Variants in LRRC43 observed in about 807,000 individuals in gnomAD.
LRRC43 encodes the protein leucine-rich repeat-containing protein 43.
In LRRC43, 62 loss-of-function variants were observed where a neutral mutation model predicts 64.3. That is an observed-to-expected ratio of 0.96 (90% CI 0.79 to 1.19). LRRC43 has a LOEUF of 1.19. LRRC43 is among the 50% of genes most tolerant of loss of function. The probability of loss-of-function intolerance (pLI) is 0.00; values close to 1 mark genes in which losing one functional copy is unlikely to be tolerated. For missense variants in LRRC43, 868 were observed against 845.0 expected (o/e 1.03, Z -0.34); for synonymous variants, 422 against 382.3 (o/e 1.10, Z -1.21).
Position 122,184,853 on chromosome 12 carries a change from T to TC in LRRC43, c.411+78dup, listed in dbSNP as rs71453589. 1 of 1,489,050 alleles carries TC rather than the reference T, an allele frequency of 6.7e-7. No individual in the cohort carries two copies. The highest frequency in any genetic ancestry group is 9.1e-7 in the Non-Finnish European group (1 of 1,096,412). The allele number at this position is 1,489,050 out of a possible 1,614,324, so 92.2% of individuals were successfully genotyped here. On this transcript the variant is annotated intron_variant, in intron 2 of 11. Coordinates refer to ENST00000339777, the MANE Select transcript of LRRC43 (RefSeq NM_001098519.2). The surrounding 1 kb of genome is among the most constrained non-coding windows in gnomAD (Gnocchi z 4.0). The stretch of plus-strand genomic sequence containing the variant: ...AGGGAGGTTGTGGGGAGGGCACCCT[T>TC]CCCCACAGCGCGTCAGGGATCCTGC...
intron 11 of LRRC43, among the ~76,000 whole-genome samples, chr12:122,201,629 C>T (rs1953839800): frequency 6.6e-6 from 1 of 152,210 alleles, no homozygotes; most frequent in African/African-American, 2.4e-5. Context: ...CCTCCAGCTT[C>T]AGGCCATCGG....
At position 122,184,886 on chromosome 12, in the gene LRRC43, G is replaced by A; in HGVS notation, c.411+107G>A. The A allele has an allele frequency of 1.5e-6, 2 of 1,311,146 alleles. No homozygotes were observed. Among genetic ancestry groups the A allele is most frequent in the Non-Finnish European group, 2.1e-6 (2 of 955,704 alleles). 81.2% of individuals were successfully genotyped at this position (1,311,146 alleles called of 1,614,324 possible). A position where few individuals can be genotyped will look rare whatever the true frequency, so the allele number is the denominator to read the frequency against. On this transcript the variant is annotated intron_variant, in intron 2 of 11. Transcript: ENST00000339777. This position sits in a 1 kb window ranked among gnomAD's most constrained non-coding sequence, Gnocchi z 4.0. ...GCGCGTCAGGGATCCTGCTTTCAGG[G>A]CTGAAACGAAGGCCAGCCTGCCCTC... is the stretch of plus-strand genomic sequence containing the variant.
intron 1 of LRRC43, chr12:122,172,448 T>G (rs560989403): frequency 6.2e-7 from 1 of 1,614,002 alleles, no homozygotes; most frequent in Non-Finnish European, 8.5e-7. Context: ...AGGTCAATGA[T>G]TTTAGTGCGA....
Position 122,174,844 on chromosome 12 carries a change from CT to C in LRRC43, c.-406+7076del, listed in dbSNP as rs765071459. On this transcript the variant is annotated intron_variant, in intron 1 of 5. Transcript: ENST00000537729. ...TGAAATCCTTGTTCATATCTTTTTT[CT>C]TTTTTTTTTTTTTGAGATGGAGTCT... Among the ~76,000 whole-genome samples the C allele has an allele frequency of 1.5e-3, 211 of 142,168 alleles. 1 individual carries two copies. The highest frequency in any genetic ancestry group is 1.2e-3 in the African/African-American group (46 of 38,932). The allele number at this position is 142,168 out of a possible 152,430, so 93.3% of individuals were successfully genotyped here.
intron 7 of LRRC43, among the ~76,000 whole-genome samples, chr12:122,193,313 G>A (rs550389012): frequency 0.015 from 2,300 of 149,642 alleles, 59 homozygotes; most frequent in African/African-American, 0.054. Flanking sequence ...CCCAGGAGGC[G>A]GGGCTTGCAG....
At chr12:122,175,459 T>C (rs1298342730) in intron 1 of LRRC43, among the ~76,000 whole-genome samples, 1 of 151,850 alleles carries the variant, frequency 6.6e-6, no homozygotes. Context: ...GAGCCACCAC[T>C]CTGGCCTTAG....
chr12:122,170,791 C>A (rs997264864), intron 1 of LRRC43, among the ~76,000 whole-genome samples: 1 of 151,984 alleles, frequency 6.6e-6, no homozygotes, highest in Non-Finnish European at 1.5e-5. Flanking sequence ...CAGTTTCCCC[C>A]GAGATAAGAT....
At position 122,184,913 on chromosome 12, in the gene LRRC43, A is replaced by G; in HGVS notation, c.411+134A>G. On this transcript the variant is annotated intron_variant, in intron 2 of 11. Coordinates refer to ENST00000339777, the MANE Select transcript of LRRC43 (RefSeq NM_001098519.2). The surrounding 1 kb of genome is among the most constrained non-coding windows in gnomAD (Gnocchi z 4.0). The stretch of plus-strand genomic sequence containing the variant: ...TGAAACGAAGGCCAGCCTGCCCTCC[A>G]TCTGCTTCATCTCCCTGGCTTGTGT... 2 of 933,386 alleles carry G rather than the reference A, an allele frequency of 2.1e-6. No homozygotes were observed. Among genetic ancestry groups the G allele is most frequent in the South Asian group, 3.3e-5 (2 of 60,966 alleles). The allele number at this position is 933,386 out of a possible 1,614,324, so 57.8% of individuals were successfully genotyped here.
At position 122,175,895 on chromosome 12, in the gene LRRC43, G is replaced by C. The variant is rs60145913; in HGVS notation, c.-406+8113G>C. ...TTGGCCAGGCTGGCCTCTATCTCCT[G>C]ACCTCAGGTGATCTGCCCGCCTCAG... On this transcript the variant is annotated intron_variant, in intron 1 of 5. Coordinates refer to the LRRC43 transcript ENST00000537729. Among the ~76,000 whole-genome samples, 1,372 of 152,226 alleles carry C rather than the reference G, an allele frequency of 9.0e-3. 21 individuals are homozygous for C. Among genetic ancestry groups the C allele is most frequent in the African/African-American group, 0.031 (1,307 of 41,536 alleles).
intron 4 of LRRC43, 178 bp downstream of exon 4, chr12:122,188,018 A>G: frequency 1.6e-6 from 1 of 625,838 alleles, no homozygotes; most frequent in Non-Finnish European, 2.7e-6. Flanking sequence ...TTTGTAAACA[A>G]AAAGCCCGGG....
At position 122,187,063 on chromosome 12, in the gene LRRC43, C is replaced by A. The variant is rs534443290; in HGVS notation, c.523-638C>A. On this transcript the variant is annotated intron_variant, in intron 3 of 11. Coordinates refer to ENST00000339777, the MANE Select transcript of LRRC43 (RefSeq NM_001098519.2). Reference sequence around the variant, plus strand: ...AGCCTGGGCAACATAGGAATATCCCCTCTACAAAAATACAAAAATTAGCCA... The same window carrying A: ...AGCCTGGGCAACATAGGAATATCCCATCTACAAAAATACAAAAATTAGCCA... Among the ~76,000 whole-genome samples, 7 of 151,674 alleles carry A rather than the reference C, an allele frequency of 4.6e-5. No homozygotes were observed. In the East Asian group the frequency reaches 1.4e-3, roughly 29 times the overall value.
chr12:122,183,827 T>C (rs1334552248), intron 1 of LRRC43, among the ~76,000 whole-genome samples: 2 of 152,058 alleles, frequency 1.3e-5, no homozygotes, highest in East Asian at 3.9e-4. Flanking sequence ...GGCTGGAGCA[T>C]AGTGACGCGA....
intron 7 of LRRC43, among the ~76,000 whole-genome samples, chr12:122,197,457 G>C (rs939404670): frequency 3.9e-5 from 6 of 152,046 alleles, no homozygotes; most frequent in Admixed American, 1.3e-4. Flanking sequence ...GAGCCACCGC[G>C]CCTGGCCCCC....
At position 122,200,778 on chromosome 12, in the gene LRRC43, G is replaced by A. The variant is rs372072711; in HGVS notation, c.1653G>A (p.Pro551=). 263 of 1,612,644 alleles carry A rather than the reference G, an allele frequency of 1.6e-4. 1 individual carries two copies. The African/African-American group carries it at 1.7e-3, about 10-fold the overall frequency. ...AGGTGCTGAAGAAGAAGAAAGAGCC[G>A]CCCAAGGAGCTCCGGCAGGACCCCC... ...EWKVLKKKKE[P]PKELRQDPPI... The change falls in exon 10 of 12, where the codon CCG becomes CCA. Residue 551 remains proline, a synonymous_variant. Coordinates refer to ENST00000339777, the MANE Select transcript of LRRC43 (RefSeq NM_001098519.2). The surrounding 1 kb of genome is among the most constrained non-coding windows in gnomAD (Gnocchi z 4.6).
At position 122,184,702 on chromosome 12, in the gene LRRC43, G is replaced by A. The variant is rs1953621849; in HGVS notation, c.334G>A (p.Ala112Thr). ...AGAAGACAGTTTCCTGAGAGAATTG[G>A]CCATCCGGAACCCGCTGACGATCAC... Reference protein sequence around the residue: ...NAEDSFLRELAIRNPLTITDT... With the variant: ...NAEDSFLRELTIRNPLTITDT... Residue 112 changes from alanine to threonine, a missense_variant, in exon 2 of 12, where the codon GCC becomes ACC. Ala to Thr is a moderately conservative substitution (Grantham distance 58, BLOSUM62 0). Coordinates refer to ENST00000339777, the MANE Select transcript of LRRC43 (RefSeq NM_001098519.2). The surrounding 1 kb of genome is among the most constrained non-coding windows in gnomAD (Gnocchi z 4.0). The A allele has an allele frequency of 6.2e-7, 1 of 1,613,920 alleles. No homozygotes were observed. Among genetic ancestry groups the A allele is most frequent in the South Asian group, 1.1e-5 (1 of 91,056 alleles).
chr12:122,190,408 A>T, intron 5 of LRRC43, 40 bp downstream of exon 5: 1 of 1,525,778 alleles, frequency 6.6e-7, no homozygotes, highest in South Asian at 1.2e-5. Context: ...GGCATGTGAC[A>T]CCCCAGCCTG....
At chr12:122,183,336 T>A in intron 1 of LRRC43, 42 bp downstream of exon 1, 1 of 1,407,446 alleles carries the variant, frequency 7.1e-7, no homozygotes, top group Non-Finnish European at 9.2e-7. Flanking sequence ...CTGGACCGGC[T>A]GCGGGGAGGC....
intron 4 of LRRC43, among the ~76,000 whole-genome samples, chr12:122,188,787 A>C (rs1318996130): frequency 6.6e-6 from 1 of 152,200 alleles, no homozygotes; most frequent in South Asian, 2.1e-4. Context: ...GCTCGTTGGC[A>C]TCGGAACCCC....
intron 1 of LRRC43, among the ~76,000 whole-genome samples, chr12:122,169,640 C>T (rs1027239264): frequency 4.9e-5 from 7 of 143,954 alleles, no homozygotes; most frequent in Non-Finnish European, 7.5e-5. Flanking sequence ...GGCGTGAACC[C>T]GGGAGGCAGA....
Sources: gnomAD v4.1 joint callset for allele counts (sites outside exome capture counted in the v4.1 genomes callset) on GRCh38, gnomAD v4.1.1 for gene constraint, Gnocchi (gnomAD v3.1) non-coding constraint, MANE v1.5 for transcripts, NCBI Gene and HGNC (gene_info 2026-07-23, HGNC 2026-07-21) for gene names.